Variants in LEMD1 observed in about 807,000 individuals in gnomAD.
LEMD1 encodes the protein LEM domain-containing protein 1.
LEMD1 carries 18 observed loss-of-function variants against 17.4 expected under a neutral mutation model. The ratio of observed to expected loss-of-function variants is 1.04; its 90% confidence interval spans 0.72 to 1.54. The LOEUF (loss-of-function observed/expected upper bound fraction) is 1.54, where lower values mean the gene tolerates loss of function less well. LEMD1 is among the 40% of genes most tolerant of loss of function. LEMD1 has a pLI of 0.00. For missense variants in LEMD1, 195 were observed against 210.4 expected (o/e 0.93, Z 0.45); for synonymous variants, 88 against 77.8 (o/e 1.13, Z -0.69).
chr1:205,392,002 T>A (rs368350453), intron 4 of LEMD1, among the ~76,000 whole-genome samples: 7 of 148,024 alleles, frequency 4.7e-5, no homozygotes, highest in African/African-American at 1.7e-4. Context: ...TCCCAGCTAC[T>A]CAGGAGGCTG....
At chr1:205,405,026 G>T (rs1665026373) in intron 4 of LEMD1, among the ~76,000 whole-genome samples, 1 of 152,100 alleles carries the variant, frequency 6.6e-6, no homozygotes, top group African/African-American at 2.4e-5. Flanking sequence ...GTTGAATATT[G>T]GCCCCCACTC....
At position 205,448,503 on chromosome 1, in the gene LEMD1, GCCTC is replaced by G. The variant is rs1666442522; in HGVS notation, c.-39+1361_-39+1364del. 4.5e-6 allele frequency: 2 copies of G among 448,268 alleles called. No homozygotes were observed. The highest frequency in any genetic ancestry group is 5.4e-5 in the Admixed American group (2 of 36,824). 27.8% of individuals were successfully genotyped at this position (448,268 alleles called of 1,614,324 possible). On this transcript the variant is annotated intron_variant, in intron 1 of 3. Transcript: ENST00000367154. This position sits in a 1 kb window ranked among gnomAD's most constrained non-coding sequence, Gnocchi z 4.7. The stretch of plus-strand genomic sequence containing the variant: ...CCCCGACCCCAGACCCACCCACACT[GCCTC>G]CCTCCAGGACTGGGCCCCCCAGGTT...
At chr1:205,387,738 G>T (rs796950409) in intron 4 of LEMD1, among the ~76,000 whole-genome samples, 1 of 152,116 alleles carries the variant, frequency 6.6e-6, no homozygotes, top group Admixed American at 6.6e-5. Flanking sequence ...GCTATACCTC[G>T]GCATTCAAGT....
chr1:205,439,783 C>G (rs6682598), intron 1 of LEMD1, among the ~76,000 whole-genome samples: 1 of 152,036 alleles, frequency 6.6e-6, no homozygotes, highest in African/African-American at 2.4e-5. Context: ...TCGTCTCTGC[C>G]TGTCTTCTAG....
chr1:205,439,692 C>G (rs1282856041), intron 1 of LEMD1, among the ~76,000 whole-genome samples: 1 of 152,198 alleles, frequency 6.6e-6, no homozygotes, highest in Non-Finnish European at 1.5e-5. Context: ...GGGGGTCTGA[C>G]TTTGCTCCTT....
intron 4 of LEMD1, among the ~76,000 whole-genome samples, chr1:205,411,243 G>A (rs1665396327): frequency 6.8e-6 from 1 of 146,908 alleles, no homozygotes; most frequent in Admixed American, 7.5e-5. Flanking sequence ...GGGAGGGAAA[G>A]GAAGGAAGGA....
intron 1 of LEMD1, among the ~76,000 whole-genome samples, chr1:205,427,707 T>C (rs1666075870): frequency 1.3e-5 from 2 of 152,102 alleles, no homozygotes; most frequent in South Asian, 4.1e-4. Flanking sequence ...AGCAGGGATC[T>C]GAAGACAGTC....
intron 1 of LEMD1, chr1:205,437,042 C>T (rs1666221234): frequency 6.5e-6 from 1 of 152,672 alleles, no homozygotes; most frequent in African/African-American, 2.4e-5. Context: ...TGTGGCTCTC[C>T]ATCCAGAAAC....
At chr1:205,411,589 G>C (rs79039356) in intron 4 of LEMD1, among the ~76,000 whole-genome samples, 8,315 of 139,024 alleles carry the variant, frequency 0.06, 330 homozygotes, top group East Asian at 0.1. Flanking sequence ...AGAGAGGAAA[G>C]GAAGGAAGGA....
chr1:205,434,349 AT>A (rs1182851815), intron 1 of LEMD1, among the ~76,000 whole-genome samples: 58 of 60,544 alleles, frequency 9.6e-4, no homozygotes, highest in Middle Eastern at 7.7e-3. Flanking sequence ...GTAAAAAAAA[AT>A]ATATATATAT....
At chr1:205,391,110 A>G (rs1212684615) in intron 4 of LEMD1, among the ~76,000 whole-genome samples, 2 of 152,234 alleles carry the variant, frequency 1.3e-5, no homozygotes, top group African/African-American at 4.8e-5. Flanking sequence ...ACCGATGTAT[A>G]TATGGAAACT....
intron 4 of LEMD1, among the ~76,000 whole-genome samples, chr1:205,402,868 A>C (rs1269344828): frequency 6.6e-6 from 1 of 152,006 alleles, no homozygotes; most frequent in Non-Finnish European, 1.5e-5. Context: ...ATTTTGAGAT[A>C]CATCCCATCA....
Position 205,416,312 on chromosome 1 carries a change from CA to C in LEMD1, c.206-17del, listed in dbSNP as rs777913715. The C allele has an allele frequency of 2.6e-6, 4 of 1,527,088 alleles. No individual in the cohort carries two copies. The South Asian group carries it at 3.6e-5, about 14-fold the overall frequency. The allele number at this position is 1,527,088 out of a possible 1,614,324, so 94.6% of individuals were successfully genotyped here. On this transcript the variant is annotated splice_polypyrimidine_tract_variant and intron_variant, in intron 3 of 5. Coordinates refer to ENST00000367153, the MANE Select transcript of LEMD1 (RefSeq NM_001199050.2). ...ATATTAAGCTCTGGATCATGGGAAA[CA>C]AAAGGAAAATAGGCCATGAGAACAT...
intron 5 of LEMD1, among the ~76,000 whole-genome samples, chr1:205,383,072 G>C (rs1663800920): frequency 6.6e-6 from 1 of 152,028 alleles, no homozygotes; most frequent in Admixed American, 6.6e-5. Flanking sequence ...ATATTTGAGG[G>C]TATATGTAAT....
intron 1 of LEMD1, among the ~76,000 whole-genome samples, chr1:205,444,620 G>A (rs1666352030): frequency 6.6e-6 from 1 of 152,162 alleles, no homozygotes; most frequent in African/African-American, 2.4e-5. Context: ...GAGACTCAGA[G>A]CAGGCCAGAA....
intron 4 of LEMD1, among the ~76,000 whole-genome samples, chr1:205,403,465 C>G (rs1664946982): frequency 6.6e-6 from 1 of 152,136 alleles, no homozygotes; most frequent in African/African-American, 2.4e-5. Flanking sequence ...TCCATTTCTT[C>G]TAGATTTTCT....
At chr1:205,391,016 ACCTGTGT>A (rs1664304485) in intron 4 of LEMD1, among the ~76,000 whole-genome samples, 1 of 151,864 alleles carries the variant, frequency 6.6e-6, no homozygotes, top group Admixed American at 6.6e-5. Context: ...CGCACAATAT[ACCTGTGT>A]AATACCTGTG....
chr1:205,421,646 A>G (rs1665965014), intron 1 of LEMD1, among the ~76,000 whole-genome samples: 1 of 152,196 alleles, frequency 6.6e-6, no homozygotes, highest in Non-Finnish European at 1.5e-5. Flanking sequence ...TAGTACACAT[A>G]GTAGGTACCT....
chr1:205,446,565 C>T (rs1666392794), intron 1 of LEMD1, among the ~76,000 whole-genome samples: 3 of 152,190 alleles, frequency 2.0e-5, no homozygotes, highest in South Asian at 2.1e-4. Context: ...ACAGGATTCC[C>T]GGGAGGGGCC....
Sources: gnomAD v4.1 joint callset for allele counts (sites outside exome capture counted in the v4.1 genomes callset) on GRCh38, gnomAD v4.1.1 for gene constraint, Gnocchi (gnomAD v3.1) non-coding constraint, MANE v1.5 for transcripts, NCBI Gene and HGNC (gene_info 2026-07-23, HGNC 2026-07-21) for gene names.